The following EPHA5 variants were observed in gnomAD, a reference collection of about 807,000 sequenced individuals.
EPHA5 encodes EPH receptor A5, also known as ephrin type-A receptor 5.
Under a neutral mutation model 105.0 loss-of-function variants are expected in EPHA5, and 60 were observed. The ratio of observed to expected loss-of-function variants is 0.57; its 90% confidence interval spans 0.46 to 0.71. The LOEUF (loss-of-function observed/expected upper bound fraction) is 0.71, where lower values mean the gene tolerates loss of function less well. Ranked by LOEUF, EPHA5 falls within the 30% of genes least tolerant of loss-of-function variation. EPHA5 has a pLI of 0.00. For missense variants in EPHA5, 1,218 were observed against 1,274.7 expected (o/e 0.96, Z 0.68); for synonymous variants, 513 against 449.1 (o/e 1.14, Z -1.80).
At chr4:65,388,137 G>A (rs1720315199) in intron 8 of EPHA5, among the ~76,000 whole-genome samples, 1 of 150,446 alleles carries the variant, frequency 6.6e-6, no homozygotes, top group African/African-American at 2.4e-5. Context: ...TCCCTACAAA[G>A]GACATGAACT....
At chr4:65,457,876 T>C (rs534354173) in intron 5 of EPHA5, among the ~76,000 whole-genome samples, 6 of 151,972 alleles carry the variant, frequency 3.9e-5, no homozygotes, top group African/African-American at 1.4e-4. Flanking sequence ...AATAACTTTT[T>C]TTCCTAGCTA....
intron 5 of EPHA5, among the ~76,000 whole-genome samples, chr4:65,428,165 C>A (rs1724630993): frequency 6.6e-6 from 1 of 151,848 alleles, no homozygotes; most frequent in African/African-American, 2.4e-5. Context: ...AAATGAGTAA[C>A]TAAATTTCCT....
chr4:65,555,555 T>TAAAA (rs34149071), intron 3 of EPHA5, among the ~76,000 whole-genome samples: 2 of 143,978 alleles, frequency 1.4e-5, no homozygotes, highest in Non-Finnish European at 3.0e-5. Context: ...AAAATTTTTC[T>TAAAA]AAAAAAAAAA....
At chr4:65,521,252 T>C in intron 3 of EPHA5, among the ~76,000 whole-genome samples, 1 of 152,090 alleles carries the variant, frequency 6.6e-6, no homozygotes, top group East Asian at 1.9e-4. Context: ...GAAACCATCA[T>C]TCTCAGCAAA....
chr4:65,406,396 G>C (rs1017791970), intron 7 of EPHA5, among the ~76,000 whole-genome samples: 1 of 152,100 alleles, frequency 6.6e-6, no homozygotes, highest in African/African-American at 2.4e-5. Flanking sequence ...TTAGCTAAAC[G>C]TATACCTTAA....
intron 3 of EPHA5, among the ~76,000 whole-genome samples, chr4:65,549,449 A>T: frequency 6.6e-6 from 1 of 152,196 alleles, no homozygotes; most frequent in Non-Finnish European, 1.5e-5. Flanking sequence ...CAACGTTTAT[A>T]CAACAATGAT....
rs1719842432 is a variant in EPHA5, at chr4:65,324,031, C to T, written c.*83G>A. On this transcript the variant is annotated 3_prime_UTR_variant, in exon 17 of 17. Transcript: ENST00000613740. Reference sequence around the variant, plus strand: ...TTTAGAAATCACTGTTTTCCCTTTTCCCCCTTTTTTTGTTAAAATAAATCT... The same window carrying T: ...TTTAGAAATCACTGTTTTCCCTTTTTCCCCTTTTTTTGTTAAAATAAATCT... The T allele has an allele frequency of 2.2e-6, 2 of 889,290 alleles. No homozygotes were observed. The highest frequency in any genetic ancestry group is 2.2e-5 in the Admixed American group (1 of 45,430). The allele number at this position is 889,290 out of a possible 1,614,324, so 55.1% of individuals were successfully genotyped here.
At chr4:65,487,049 C>T (rs1011362423) in intron 5 of EPHA5, among the ~76,000 whole-genome samples, 2 of 152,156 alleles carry the variant, frequency 1.3e-5, no homozygotes, top group Non-Finnish European at 2.9e-5. Context: ...CCTTCTTTGC[C>T]TTCTGCCATA....
At chr4:65,654,932 CT>C (rs1456520090) in intron 1 of EPHA5, among the ~76,000 whole-genome samples, 57 of 146,896 alleles carry the variant, frequency 3.9e-4, no homozygotes, top group South Asian at 2.1e-4. Flanking sequence ...TGTATATAAG[CT>C]TTGATATATG....
Position 65,602,029 on chromosome 4 carries a change from A to C in EPHA5, c.522T>G (p.Ile174Met). The C allele has an allele frequency of 6.2e-7, 1 of 1,614,130 alleles. No individual in the cohort carries two copies. The change falls in exon 3 of 17, where the codon ATT (isoleucine) becomes ATG (methionine). Residue 174 changes from isoleucine (I) to methionine (M), a missense_variant. By Grantham distance (10) the Ile-to-Met change is conservative. This residue lies in a region of EPHA5 where 233 missense variants were observed against 227.5 expected (regional missense o/e 1.02). Coordinates refer to ENST00000613740, the MANE Select transcript of EPHA5 (RefSeq NM_001281766.3). ...RNIKENQYIK[I>M]DTIAADESFT... ...AGCTTTCATCGGCAGCAATGGTATC[A>C]ATTTTGATGTATTGGTTTTCCTTGA...
chr4:65,633,294 G>A (rs1263524350), intron 2 of EPHA5, among the ~76,000 whole-genome samples: 1 of 151,854 alleles, frequency 6.6e-6, no homozygotes, highest in African/African-American at 2.4e-5. Context: ...TAAAGCATTT[G>A]CTTTCAAAAT....
At chr4:65,641,559 G>T (rs1560810430) in intron 2 of EPHA5, among the ~76,000 whole-genome samples, 1 of 152,018 alleles carries the variant, frequency 6.6e-6, no homozygotes, top group Non-Finnish European at 1.5e-5. Flanking sequence ...TACTATCATT[G>T]TATATACCTT....
intron 3 of EPHA5, among the ~76,000 whole-genome samples, chr4:65,535,195 T>G (rs2149310277): frequency 6.6e-6 from 1 of 152,310 alleles, no homozygotes; most frequent in South Asian, 2.1e-4. Flanking sequence ...TGGGATCTTC[T>G]TACTAATCTA....
At chr4:65,602,412 T>C (rs1221534886) in intron 2 of EPHA5, 108 bp from the exon 3 acceptor site, 2 of 802,476 alleles carry the variant, frequency 2.5e-6, no homozygotes, top group Admixed American at 6.0e-5. Context: ...GAAATATTCG[T>C]ATCCTCAATA....
chr4:65,418,526 A>C (rs564075360), intron 6 of EPHA5, among the ~76,000 whole-genome samples: 119 of 152,186 alleles, frequency 7.8e-4, no homozygotes, highest in Non-Finnish European at 1.5e-3. Flanking sequence ...TTGGTGAATA[A>C]TGTATTTAAT....
At chr4:65,406,719 AT>A (rs977893169) in intron 7 of EPHA5, among the ~76,000 whole-genome samples, 1 of 152,018 alleles carries the variant, frequency 6.6e-6, no homozygotes, top group African/African-American at 2.4e-5. Flanking sequence ...GAATCCTTTC[AT>A]TTTTTTAGAA....
intron 5 of EPHA5, among the ~76,000 whole-genome samples, chr4:65,449,286 T>C (rs1030903841): frequency 6.6e-6 from 1 of 152,146 alleles, no homozygotes; most frequent in East Asian, 1.9e-4. Flanking sequence ...ATGGGATACA[T>C]TTAGCACCTT....
chr4:65,398,264 A>T (rs1256889633), intron 8 of EPHA5, among the ~76,000 whole-genome samples: 1 of 152,168 alleles, frequency 6.6e-6, no homozygotes, highest in African/African-American at 2.4e-5. Flanking sequence ...ACCCAGGCAG[A>T]TGTGTGCACA....
At chr4:65,448,990 T>G (rs2149102834) in intron 5 of EPHA5, among the ~76,000 whole-genome samples, 1 of 152,242 alleles carries the variant, frequency 6.6e-6, no homozygotes, top group African/African-American at 2.4e-5. Flanking sequence ...TTTAAAAAAT[T>G]GACAAGGTAC....
Sources: allele counts gnomAD v4.1 joint callset (sites outside exome capture counted in the v4.1 genomes callset), GRCh38; gene constraint gnomAD v4.1.1; regional missense constraint gnomAD v4.1.1; transcripts MANE v1.5; gene names NCBI Gene and HGNC (gene_info 2026-07-23, HGNC 2026-07-21).